Variants in SH3GL2 observed in about 807,000 individuals in gnomAD.
SH3GL2 encodes SH3 domain containing GRB2 like 2, endophilin A1.
SH3GL2 carries 24 observed loss-of-function variants against 46.0 expected under a neutral mutation model. The ratio of observed to expected loss-of-function variants is 0.52; its 90% CI spans 0.38 to 0.73. The LOEUF is 0.73. Among genes scored for constraint, SH3GL2 ranks in the 30% least tolerant of loss-of-function variants. The probability of loss-of-function intolerance (pLI) is 0.00; values close to 1 mark genes in which losing one functional copy is unlikely to be tolerated. For synonymous variants in SH3GL2, 196 were observed against 147.1 expected, an observed-to-expected ratio of 1.33 and a Z score of -2.40; for missense variants, 413 against 424.2, an observed-to-expected ratio of 0.97 and a Z score of 0.23.
rs1478866205 is a variant in SH3GL2, at chr9:17,587,281, A to C, written c.45+7994A>C. ...TCCAGTGAGGAAAGGAGAGAAGGGGAGTCAGGACAGTTATTGTCCATAACA... is the reference window on the plus strand; with the variant it reads ...TCCAGTGAGGAAAGGAGAGAAGGGGCGTCAGGACAGTTATTGTCCATAACA... On this transcript the variant is annotated intron_variant, in intron 1 of 8. Coordinates refer to ENST00000380607, the MANE Select transcript of SH3GL2 (RefSeq NM_003026.5). 2.0e-5 allele frequency among the ~76,000 whole-genome samples: 3 copies of C among 152,202 alleles called. No individual in the cohort carries two copies. The East Asian group carries it at 5.8e-4, about 29-fold the overall frequency.
At chr9:17,637,844 G>C (rs1248404701) in intron 1 of SH3GL2, among the ~76,000 whole-genome samples, 3 of 152,108 alleles carry the variant, frequency 2.0e-5, no homozygotes, top group Non-Finnish European at 4.4e-5. Flanking sequence ...CCTCCATCCA[G>C]CTTACCTTTT....
rs1818950975 is a variant in SH3GL2, at chr9:17,614,932, A to G, written c.45+35645A>G. On this transcript the variant is annotated intron_variant, in intron 1 of 8. Transcript: ENST00000380607. The stretch of plus-strand genomic sequence containing the variant: ...CCCCACACCCAAAAGGCTCCGCGAC[A>G]GCATTTCCAGGTATAGGGGCAAGCT... 2.6e-5 allele frequency among the ~76,000 whole-genome samples: 4 copies of G among 152,344 alleles called. No individual in the cohort carries two copies. The South Asian group carries it at 8.3e-4, about 32-fold the overall frequency.
intron 1 of SH3GL2, among the ~76,000 whole-genome samples, chr9:17,739,630 A>T (rs1353796202): frequency 7.1e-6 from 1 of 140,054 alleles, no homozygotes; most frequent in Non-Finnish European, 1.6e-5. Context: ...AGTTAATTTT[A>T]TTCAGCACAT....
At chr9:17,665,932 T>C (rs1588217266) in intron 1 of SH3GL2, among the ~76,000 whole-genome samples, 1 of 150,176 alleles carries the variant, frequency 6.7e-6, no homozygotes, top group Non-Finnish European at 1.5e-5. Context: ...TATACTGATA[T>C]GTTCAATTTC....
Position 17,621,367 on chromosome 9 carries a change from G to A in SH3GL2, c.45+42080G>A, listed in dbSNP as rs1004594528. On this transcript the variant is annotated intron_variant, in intron 1 of 8. Coordinates refer to ENST00000380607, the MANE Select transcript of SH3GL2 (RefSeq NM_003026.5). ...TGCTAATTTATGTCCGCAACTACGT[G>A]CAAGACCTGCCTCTTAATCAGCCAT... 6.6e-5 allele frequency among the ~76,000 whole-genome samples: 10 copies of A among 152,306 alleles called. No homozygotes were observed. In the East Asian group the frequency reaches 1.7e-3, roughly 26 times the overall value.
intron 3 of SH3GL2, among the ~76,000 whole-genome samples, chr9:17,764,302 A>G (rs891317903): frequency 2.6e-5 from 4 of 152,308 alleles, no homozygotes; most frequent in East Asian, 3.9e-4. Flanking sequence ...AACAGGTACA[A>G]TTTCATCCCT....
At chr9:17,607,527 C>G (rs772785730) in intron 1 of SH3GL2, among the ~76,000 whole-genome samples, 1 of 152,142 alleles carries the variant, frequency 6.6e-6, no homozygotes, top group Non-Finnish European at 1.5e-5. Flanking sequence ...TATAATCTTA[C>G]AGGACTACCA....
At chr9:17,634,784 C>G (rs1305441580) in intron 1 of SH3GL2, among the ~76,000 whole-genome samples, 2 of 152,168 alleles carry the variant, frequency 1.3e-5, no homozygotes, top group African/African-American at 4.8e-5. Context: ...TTTGAGCAGA[C>G]ACTCTTCTGG....
At chr9:17,754,634 C>G (rs546386837) in intron 2 of SH3GL2, among the ~76,000 whole-genome samples, 2 of 152,266 alleles carry the variant, frequency 1.3e-5, no homozygotes, top group South Asian at 2.1e-4. Flanking sequence ...GATCACGCCA[C>G]TGTACTCCAG....
intron 1 of SH3GL2, among the ~76,000 whole-genome samples, chr9:17,704,876 C>G (rs1206605096): frequency 6.6e-6 from 1 of 151,922 alleles, no homozygotes; most frequent in Non-Finnish European, 1.5e-5. Flanking sequence ...TAGGACTTGG[C>G]AAAGATTTCA....
chr9:17,695,636 T>C (rs1821184470), intron 1 of SH3GL2, among the ~76,000 whole-genome samples: 1 of 152,082 alleles, frequency 6.6e-6, no homozygotes, highest in Non-Finnish European at 1.5e-5. Context: ...GCCCTTTCTG[T>C]ATTGATGCTC....
At chr9:17,610,332 G>T (rs992313432) in intron 1 of SH3GL2, among the ~76,000 whole-genome samples, 11 of 152,208 alleles carry the variant, frequency 7.2e-5, no homozygotes, top group Admixed American at 7.2e-4. Context: ...GTAGGGCTCA[G>T]ATCCTCTTTA....
intron 1 of SH3GL2, among the ~76,000 whole-genome samples, chr9:17,621,397 T>G (rs1819135238): frequency 6.6e-6 from 1 of 152,244 alleles, no homozygotes; most frequent in African/African-American, 2.4e-5. Flanking sequence ...AGCCATTGGG[T>G]TGAATTGTCC....
chr9:17,624,996 GTTC>G (rs1460166055), intron 1 of SH3GL2, among the ~76,000 whole-genome samples: 10 of 152,164 alleles, frequency 6.6e-5, no homozygotes, highest in Admixed American at 5.2e-4. Context: ...GATGAAAATT[GTTC>G]TTCTATTTAA....
chr9:17,712,924 G>A (rs1470417223), intron 1 of SH3GL2, among the ~76,000 whole-genome samples: 1 of 132,246 alleles, frequency 7.6e-6, no homozygotes. Flanking sequence ...TAGTAAGCGT[G>A]AACATCCTTG....
chr9:17,610,627 C>T (rs1818843337), intron 1 of SH3GL2, among the ~76,000 whole-genome samples: 1 of 152,104 alleles, frequency 6.6e-6, no homozygotes, highest in South Asian at 2.1e-4. Context: ...GGATCCCTGG[C>T]TGAATAGTGT....
rs574677341 is a variant in SH3GL2, at chr9:17,786,445, A to G, written c.252A>G (p.Pro84=). 2 of 1,613,546 alleles carry G rather than the reference A, an allele frequency of 1.2e-6. No homozygotes were observed. The highest frequency in any genetic ancestry group is 1.1e-5 in the South Asian group (1 of 91,056). Residue 84 remains proline (P), a synonymous_variant, in exon 4 of 9, where the codon CCA becomes CCG. Coordinates refer to ENST00000380607, the MANE Select transcript of SH3GL2 (RefSeq NM_003026.5). ...MSKIRGQEKG[P]GYPQAEALLA... is the part of the protein sequence containing the mutation. The stretch of plus-strand genomic sequence containing the variant: ...AAATCCGTGGCCAGGAGAAGGGGCC[A>G]GGCTATCCTCAGGCAGAGGCGCTGC...
intron 3 of SH3GL2, among the ~76,000 whole-genome samples, chr9:17,761,760 A>G (rs777052090): frequency 1.3e-5 from 2 of 152,214 alleles, no homozygotes; most frequent in Admixed American, 6.5e-5. Flanking sequence ...AATGTATGCA[A>G]ACAGTTCAGG....
intron 3 of SH3GL2, among the ~76,000 whole-genome samples, chr9:17,769,506 C>G (rs1415384352): frequency 6.6e-6 from 1 of 152,012 alleles, no homozygotes; most frequent in African/African-American, 2.4e-5. Flanking sequence ...GAGAATTATC[C>G]TCAGACTTGT....
Sources: allele counts gnomAD v4.1 joint callset (sites outside exome capture counted in the v4.1 genomes callset), GRCh38; gene constraint gnomAD v4.1.1; transcripts MANE v1.5; gene names NCBI Gene and HGNC (gene_info 2026-07-23, HGNC 2026-07-21).